LPP: variants seen among roughly 807,000 people sequenced by gnomAD.
LPP encodes LIM domain containing preferred translocation partner in lipoma.
A neutral mutation model predicts 60.4 loss-of-function variants in LPP; 38 were observed. The ratio of observed to expected loss-of-function variants is 0.63; its 90% CI spans 0.49 to 0.83. The LOEUF (loss-of-function observed/expected upper bound fraction) is 0.83. LPP is among the 40% of genes least tolerant of loss of function. LPP has a pLI of 0.00. For missense variants in LPP, 902 were observed against 783.6 expected, an observed-to-expected ratio of 1.15 and a Z score of -1.80; for synonymous variants, 328 against 290.8, an observed-to-expected ratio of 1.13 and a Z score of -1.30.
At chr3:188,536,526 T>G (rs1823674945) in intron 6 of LPP, among the ~76,000 whole-genome samples, 1 of 152,242 alleles carries the variant, frequency 6.6e-6, no homozygotes, top group Non-Finnish European at 1.5e-5. Flanking sequence ...ATAAACTTTG[T>G]GTCCATACAC....
At chr3:188,775,574 T>C (rs938838599) in intron 9 of LPP, among the ~76,000 whole-genome samples, 1 of 152,166 alleles carries the variant, frequency 6.6e-6, no homozygotes, top group African/African-American at 2.4e-5. Flanking sequence ...TCCTATTAGA[T>C]CATTAGGAAA....
At chr3:188,858,077 G>A (rs530220071) in intron 9 of LPP, among the ~76,000 whole-genome samples, 1 of 152,260 alleles carries the variant, frequency 6.6e-6, no homozygotes, top group African/African-American at 2.4e-5. Flanking sequence ...AAATTGCCTA[G>A]CTTTTCGAAC....
At chr3:188,717,859 C>T (rs1714692373) in intron 8 of LPP, among the ~76,000 whole-genome samples, 1 of 152,112 alleles carries the variant, frequency 6.6e-6, no homozygotes, top group African/African-American at 2.4e-5. Flanking sequence ...CTCTTATTGA[C>T]CAGGCTGGAG....
At chr3:188,405,873 C>T (rs1309814833) in intron 3 of LPP, among the ~76,000 whole-genome samples, 4 of 41,836 alleles carry the variant, frequency 9.6e-5, no homozygotes, top group South Asian at 1.7e-3. Flanking sequence ...CCTGCTCCTC[C>T]TCTTTCTCTT....
In LPP at chr3:188,572,927, T is replaced by C. The variant is rs988164402; in HGVS notation, c.430-36234T>C. Among the ~76,000 whole-genome samples the C allele has an allele frequency of 6.6e-6, 1 of 152,154 alleles. No homozygotes were observed. The highest frequency in any genetic ancestry group is 1.5e-5 in the Non-Finnish European group (1 of 68,010). On this transcript the variant is annotated intron_variant, in intron 6 of 11. Transcript: ENST00000617246. The surrounding 1 kb of genome is among the most constrained non-coding windows in gnomAD (Gnocchi z 4.1). ...GTCTCAAACTGGCAATTCCACACTTTGACCTGGATGTAATACATGTCACTT... is the reference window on the plus strand; with the variant it reads ...GTCTCAAACTGGCAATTCCACACTTCGACCTGGATGTAATACATGTCACTT...
At chr3:188,799,852 A>G (rs988517421) in intron 9 of LPP, among the ~76,000 whole-genome samples, 8 of 152,182 alleles carry the variant, frequency 5.3e-5, no homozygotes, top group African/African-American at 1.9e-4. Context: ...TTTCTAGTAA[A>G]AAATCAAGTT....
chr3:188,524,600 A>C, intron 5 of LPP, 65 bp from the exon 6 acceptor site: 1 of 1,510,152 alleles, frequency 6.6e-7, no homozygotes, highest in Non-Finnish European at 8.9e-7. Flanking sequence ...AACTTGAGAA[A>C]TTTGAACTTA....
intron 1 of LPP, among the ~76,000 whole-genome samples, chr3:188,192,123 G>A (rs1376323448): frequency 6.6e-6 from 1 of 152,244 alleles, no homozygotes; most frequent in Non-Finnish European, 1.5e-5. Flanking sequence ...AGTTTCTCAT[G>A]TGGTTATACC....
At chr3:188,541,189 C>T (rs1378690636) in intron 6 of LPP, among the ~76,000 whole-genome samples, 1 of 152,154 alleles carries the variant, frequency 6.6e-6, no homozygotes, top group Admixed American at 6.5e-5. Flanking sequence ...GCATGTAAAG[C>T]AATAGTTAAG....
intron 2 of LPP, among the ~76,000 whole-genome samples, chr3:188,313,217 T>C (rs181690525): frequency 1.1e-3 from 172 of 152,374 alleles, no homozygotes; most frequent in African/African-American, 3.9e-3. Context: ...TTATTATGCT[T>C]TCAATTATTG....
chr3:188,211,142 T>A (rs774923022), intron 1 of LPP, among the ~76,000 whole-genome samples: 9 of 152,202 alleles, frequency 5.9e-5, no homozygotes, highest in Non-Finnish European at 1.0e-4. Context: ...GGACACATGA[T>A]TGGACCATTT....
intron 6 of LPP, among the ~76,000 whole-genome samples, chr3:188,535,156 C>T (rs752323971): frequency 2.6e-5 from 4 of 152,182 alleles, no homozygotes; most frequent in Non-Finnish European, 5.9e-5. Context: ...GGGTCCTGCA[C>T]TCACACTCCA....
intron 4 of LPP, among the ~76,000 whole-genome samples, chr3:188,452,690 A>C (rs954746750): frequency 1.3e-5 from 2 of 152,186 alleles, no homozygotes; most frequent in African/African-American, 4.8e-5. Context: ...TGGTGTTGAC[A>C]GGATGCTTGT....
intron 5 of LPP, among the ~76,000 whole-genome samples, chr3:188,507,820 G>A (rs186984987): frequency 3.0e-4 from 45 of 152,276 alleles, no homozygotes; most frequent in African/African-American, 1.0e-3. Context: ...GCAGCTTTTT[G>A]CTTAAGCTGT....
At chr3:188,651,100 G>A (rs369658951) in intron 7 of LPP, among the ~76,000 whole-genome samples, 32 of 152,246 alleles carry the variant, frequency 2.1e-4, no homozygotes, top group African/African-American at 7.7e-4. Flanking sequence ...CAATTAAAAA[G>A]AAAAAATAAA....
At chr3:188,594,784 TA>T (rs1839657076) in intron 6 of LPP, among the ~76,000 whole-genome samples, 1 of 152,134 alleles carries the variant, frequency 6.6e-6, no homozygotes, top group Non-Finnish European at 1.5e-5. Context: ...TAAATATAAA[TA>T]TACATGCTCA....
intron 4 of LPP, among the ~76,000 whole-genome samples, chr3:188,410,468 T>C (rs908635432): frequency 3.3e-5 from 5 of 152,224 alleles, no homozygotes; most frequent in African/African-American, 4.8e-5. Flanking sequence ...ATATTTATAA[T>C]TTCTTTTATA....
chr3:188,407,621 C>A (rs1440546852), intron 4 of LPP, among the ~76,000 whole-genome samples: 1 of 152,150 alleles, frequency 6.6e-6, no homozygotes, highest in Non-Finnish European at 1.5e-5. Flanking sequence ...AAAGAGACTG[C>A]ATCTTTGCAG....
intron 8 of LPP, among the ~76,000 whole-genome samples, chr3:188,756,359 T>C (rs927200393): frequency 6.6e-6 from 1 of 152,228 alleles, no homozygotes; most frequent in African/African-American, 2.4e-5. Flanking sequence ...TGCTCAGCAT[T>C]GGCAGCAAGC....
Sources: allele counts gnomAD v4.1 joint callset (sites outside exome capture counted in the v4.1 genomes callset), GRCh38; gene constraint gnomAD v4.1.1; non-coding constraint Gnocchi (gnomAD v3.1); transcripts MANE v1.5; gene names NCBI Gene and HGNC (gene_info 2026-07-23, HGNC 2026-07-21).